The following ARID1A variants were observed in gnomAD, a reference collection of about 807,000 sequenced individuals.
The protein encoded by ARID1A is AT-rich interaction domain 1A.
ARID1A carries 20 observed loss-of-function variants against 212.6 expected under a neutral mutation model. The observed-to-expected ratio is 0.09, with a 90% confidence interval of 0.07 to 0.14. The LOEUF (loss-of-function observed/expected upper bound fraction) is 0.14. ARID1A is among the 10% of genes least tolerant of loss of function. ARID1A has a pLI of 1.00. For synonymous variants in ARID1A, 1,376 were observed against 1,222.1 expected, an observed-to-expected ratio of 1.13 and a Z score of -2.63; for missense variants, 2,587 against 3,059.0, an observed-to-expected ratio of 0.85 and a Z score of 3.64.
intron 5 of ARID1A, 34 bp from the exon 6 acceptor site, chr1:26,761,350 A>C (rs765576071): frequency 6.2e-7 from 1 of 1,611,394 alleles, no homozygotes; most frequent in Non-Finnish European, 8.5e-7. Context: ...AGGCTTAGCC[A>C]TGATATGCTT....
At chr1:26,724,469 G>A (rs1353394490) in intron 1 of ARID1A, among the ~76,000 whole-genome samples, 1 of 152,082 alleles carries the variant, frequency 6.6e-6, no homozygotes, top group South Asian at 2.1e-4. Flanking sequence ...CCACTGCCAC[G>A]GGTGGTACAT....
rs2124740084 is a variant in ARID1A, at chr1:26,696,487, G to A, written c.84G>A (p.Glu28=). 1 of 1,246,922 alleles carries A rather than the reference G, an allele frequency of 8.0e-7. No individual in the cohort carries two copies. The highest frequency in any genetic ancestry group is 4.3e-5 in the Admixed American group (1 of 23,474). The allele number at this position is 1,246,922 out of a possible 1,614,324, so 77.2% of individuals were successfully genotyped here. A position where few individuals can be genotyped will look rare whatever the true frequency, so the allele number is the denominator to read the frequency against. The change falls in exon 1 of 20, where the codon GAG becomes GAA. Residue 28 remains glutamate, a synonymous_variant. Coordinates refer to ENST00000324856, the MANE Select transcript of ARID1A (RefSeq NM_006015.6). ...PPPPSELKKA[E]QQQREEAGGE... ...CGCCCTCGGAGCTGAAGAAAGCCGA[G>A]CAGCAGCAGCGGGAGGAGGCGGGGG...
At chr1:26,755,370 A>C (rs950216220) in intron 4 of ARID1A, among the ~76,000 whole-genome samples, 2 of 152,346 alleles carry the variant, frequency 1.3e-5, no homozygotes, top group African/African-American at 2.4e-5. Flanking sequence ...CAAATCAGAG[A>C]GATAAGAAGA....
chr1:26,724,733 G>C (rs1284401377), intron 1 of ARID1A, among the ~76,000 whole-genome samples: 1 of 152,176 alleles, frequency 6.6e-6, no homozygotes, highest in Non-Finnish European at 1.5e-5. Flanking sequence ...CCAGTAGCCA[G>C]CTAGTCTGGA....
intron 1 of ARID1A, among the ~76,000 whole-genome samples, chr1:26,720,766 A>C (rs1415723156): frequency 6.6e-6 from 1 of 151,560 alleles, no homozygotes; most frequent in African/African-American, 2.4e-5. Flanking sequence ...CAGGAGGCTG[A>C]GGTGGGAGGA....
chr1:26,701,827 T>C (rs1401100286), intron 1 of ARID1A, among the ~76,000 whole-genome samples: 1 of 152,206 alleles, frequency 6.6e-6, no homozygotes, highest in Non-Finnish European at 1.5e-5. Flanking sequence ...CAGAAAAAGC[T>C]CTACCAGACT....
intron 7 of ARID1A, 87 bp from the exon 8 acceptor site, chr1:26,762,886 A>C: frequency 7.8e-7 from 1 of 1,286,448 alleles, no homozygotes; most frequent in Non-Finnish European, 1.1e-6. Flanking sequence ...AAAATATTGA[A>C]TGACATTGTT....
At chr1:26,722,401 A>G (rs1412965558) in intron 1 of ARID1A, among the ~76,000 whole-genome samples, 1 of 152,110 alleles carries the variant, frequency 6.6e-6, no homozygotes, top group Non-Finnish European at 1.5e-5. Context: ...ACGTGCCACC[A>G]TGCCAGGCTA....
At chr1:26,759,598 G>A (rs2080972493) in intron 4 of ARID1A, among the ~76,000 whole-genome samples, 1 of 152,160 alleles carries the variant, frequency 6.6e-6, no homozygotes, top group Non-Finnish European at 1.5e-5. Flanking sequence ...CCAGCCTGAA[G>A]TAATGTTGCT....
In ARID1A at chr1:26,729,719, G is replaced by A. The variant is rs374460995; in HGVS notation, c.1206G>A (p.Ser402=). 14 of 1,614,086 alleles carry A rather than the reference G, an allele frequency of 8.7e-6. No individual in the cohort carries two copies. Among genetic ancestry groups the A allele is most frequent in the African/African-American group, 4.0e-5 (3 of 74,928 alleles). ...CATATGGCGGGACTAACCCATACTC[G>A]CAGCAACAGGGACCTCCGTCAGGAC... The part of the protein sequence containing the change: ...PQPYGGTNPY[S]QQQGPPSGPQ... The change falls in exon 2 of 20, where the codon TCG becomes TCA. Residue 402 remains serine (S), a synonymous_variant. Coordinates refer to ENST00000324856, the MANE Select transcript of ARID1A (RefSeq NM_006015.6).
Position 26,696,867 on chromosome 1 carries a change from G to T in ARID1A, c.464G>T (p.Gly155Val), listed in dbSNP as rs1052177368. The change falls in exon 1 of 20, where the codon GGC (glycine) becomes GTC (valine). Residue 155 changes from glycine (G) to valine (V), a missense_variant. Physicochemically the swap from Gly to Val is moderately radical, Grantham distance 109. Coordinates refer to ENST00000324856, the MANE Select transcript of ARID1A (RefSeq NM_006015.6). ...GCCTACGGCTTCGGGCAACCCTACG[G>T]CCGGAGCCCGTCTGCCGTCGCCGCC... ...PPAYGFGQPY[G>V]RSPSAVAAAA... The T allele has an allele frequency of 7.4e-7, 1 of 1,358,980 alleles. No individual in the cohort carries two copies. The highest frequency in any genetic ancestry group is 9.5e-7 in the Non-Finnish European group (1 of 1,057,922). The allele number at this position is 1,358,980 out of a possible 1,614,324, so 84.2% of individuals were successfully genotyped here. A position where few individuals can be genotyped will look rare whatever the true frequency, so the allele number is the denominator to read the frequency against.
At chr1:26,698,507 A>C (rs2080301483) in intron 1 of ARID1A, among the ~76,000 whole-genome samples, 1 of 152,254 alleles carries the variant, frequency 6.6e-6, no homozygotes, top group African/African-American at 2.4e-5. Context: ...AGCCTCAGAC[A>C]GCCTGCCCTT....
At chr1:26,723,734 C>G (rs1044887523) in intron 1 of ARID1A, among the ~76,000 whole-genome samples, 11 of 152,084 alleles carry the variant, frequency 7.2e-5, no homozygotes, top group Non-Finnish European at 1.5e-4. Flanking sequence ...GCTTACTGTA[C>G]TGGGACTCAG....
chr1:26,707,981 A>G (rs2080409745), intron 1 of ARID1A, among the ~76,000 whole-genome samples: 1 of 152,212 alleles, frequency 6.6e-6, no homozygotes. Flanking sequence ...TTATTTTTAC[A>G]ATAGCCTGAA....
chr1:26,780,772 TCC>T lies in ARID1A; in HGVS notation c.*24_*25del, dbSNP rs3841356. On this transcript the variant is annotated 3_prime_UTR_variant, in exon 20 of 20. Transcript: ENST00000324856. This position sits in a 1 kb window ranked among gnomAD's most constrained non-coding sequence, Gnocchi z 7.2. ...CCAGTCATGACAGCCGTGGGACACC[TCC>T]CCCCCCCGTGTGTGTGTGCGTGTGT... 2.3e-5 allele frequency: 34 copies of T among 1,500,828 alleles called. No individual in the cohort carries two copies. The Middle Eastern group carries it at 8.9e-4, about 39-fold the overall frequency. 93.0% of individuals were successfully genotyped at this position (1,500,828 alleles called of 1,614,324 possible).
In ARID1A at chr1:26,696,722, G is replaced by A. The variant is rs2124741316; in HGVS notation, c.319G>A (p.Ala107Thr). 2.2e-6 allele frequency: 3 copies of A among 1,368,368 alleles called. No individual in the cohort carries two copies. Among genetic ancestry groups the A allele is most frequent in the Admixed American group, 3.6e-5 (1 of 27,468 alleles). The allele number at this position is 1,368,368 out of a possible 1,614,324, so 84.8% of individuals were successfully genotyped here. A position where few individuals can be genotyped will look rare whatever the true frequency, so the allele number is the denominator to read the frequency against. Residue 107 changes from alanine (A) to threonine (T), a missense_variant, in exon 1 of 20, where the codon GCG becomes ACG. Around this residue, in one of 11 missense-constraint regions of ARID1A, gnomAD observed 735 missense variants for 590.6 expected, o/e 1.24. Transcript: ENST00000324856. Reference protein sequence around the residue: ...EPDLKNSNGNAGPRPALNNNL... With the variant: ...EPDLKNSNGNTGPRPALNNNL... Reference sequence around the variant, plus strand: ...GGACCTGAAGAACTCGAACGGGAACGCGGGCCCTAGGCCCGCCCTGAACAA... The same window carrying A: ...GGACCTGAAGAACTCGAACGGGAACACGGGCCCTAGGCCCGCCCTGAACAA...
chr1:26,744,300 A>G (rs1391439811), intron 4 of ARID1A, among the ~76,000 whole-genome samples: 1 of 152,118 alleles, frequency 6.6e-6, no homozygotes, highest in Non-Finnish European at 1.5e-5. Flanking sequence ...TCCTGTTTCT[A>G]TTCTAGTCGC....
At chr1:26,772,256 A>G (rs542706861) in intron 12 of ARID1A, 69 of 536,984 alleles carry the variant, frequency 1.3e-4, no homozygotes, top group Middle Eastern at 5.0e-4. Flanking sequence ...AATCACCAGC[A>G]TGGTGATGTC....
intron 4 of ARID1A, among the ~76,000 whole-genome samples, chr1:26,756,034 C>T (rs535203070): frequency 2.0e-5 from 3 of 152,058 alleles, no homozygotes; most frequent in South Asian, 2.1e-4. Flanking sequence ...TGAGCCACCG[C>T]GCCTGGCCAA....
Sources: allele counts gnomAD v4.1 joint callset (sites outside exome capture counted in the v4.1 genomes callset), GRCh38; gene constraint gnomAD v4.1.1; regional missense constraint gnomAD v4.1.1; non-coding constraint Gnocchi (gnomAD v3.1); transcripts MANE v1.5; gene names NCBI Gene and HGNC (gene_info 2026-07-23, HGNC 2026-07-21).